Variants in PCDH9 observed in about 807,000 individuals in gnomAD.
PCDH9 encodes protocadherin-9.
PCDH9 carries 24 observed loss-of-function variants against 70.6 expected under a neutral mutation model. That is an observed-to-expected ratio of 0.34 (90% CI 0.25 to 0.48). The LOEUF (loss-of-function observed/expected upper bound fraction) is 0.48. Among genes scored for constraint, PCDH9 ranks in the 20% least tolerant of loss-of-function variants. PCDH9 has a pLI of 0.99. For synonymous variants in PCDH9, 562 were observed against 558.5 expected (o/e 1.01, Z -0.09); for missense variants, 1,281 against 1,503.6 (o/e 0.85, Z 2.45).
intron 2 of PCDH9, among the ~76,000 whole-genome samples, chr13:66,974,423 T>C (rs2083579350): frequency 6.6e-6 from 1 of 151,976 alleles, no homozygotes; most frequent in African/African-American, 2.4e-5. Context: ...AGTTTCAGCT[T>C]TCAACTATAG....
intron 2 of PCDH9, among the ~76,000 whole-genome samples, chr13:67,008,146 G>A (rs1012450695): frequency 7.9e-5 from 12 of 152,094 alleles, no homozygotes; most frequent in African/African-American, 2.9e-4. Context: ...ATAATAATAT[G>A]GAACAAAATA....
intron 2 of PCDH9, among the ~76,000 whole-genome samples, chr13:67,008,596 C>A (rs1464972681): frequency 6.6e-6 from 1 of 152,094 alleles, no homozygotes; most frequent in Non-Finnish European, 1.5e-5. Flanking sequence ...CTTTCTCCAT[C>A]CACCAATATT....
intron 4 of PCDH9, among the ~76,000 whole-genome samples, chr13:66,381,598 G>A (rs891108298): frequency 2.0e-5 from 3 of 152,128 alleles, no homozygotes; most frequent in Non-Finnish European, 4.4e-5. Context: ...CATAAGCATA[G>A]CAAAAGTCTT....
Position 66,330,671 on chromosome 13 carries a change from T to G in PCDH9, c.3341-25643A>C, listed in dbSNP as rs565591834. 4.6e-5 allele frequency among the ~76,000 whole-genome samples: 7 copies of G among 152,316 alleles called. No individual in the cohort carries two copies. In the East Asian group the frequency reaches 1.4e-3, roughly 29 times the overall value. ...AAAAATTATTTAAATTTTTCTGGTA[T>G]AGTAGAGTTAAAATATAGATCTTAC... On this transcript the variant is annotated intron_variant, in intron 4 of 4. Coordinates refer to ENST00000377865, the MANE Select transcript of PCDH9 (RefSeq NM_203487.3).
At chr13:66,730,681 CT>C (rs200246747) in intron 3 of PCDH9, among the ~76,000 whole-genome samples, 1,687 of 138,204 alleles carry the variant, frequency 0.012, 14 homozygotes, top group African/African-American at 0.029. Flanking sequence ...TATATATTTC[CT>C]TTTTTTTTTT....
At chr13:66,337,419 C>A (rs1433486778) in intron 4 of PCDH9, among the ~76,000 whole-genome samples, 1 of 152,050 alleles carries the variant, frequency 6.6e-6, no homozygotes, top group Non-Finnish European at 1.5e-5. Flanking sequence ...GTTCTGCATT[C>A]TGGAAGGCCC....
chr13:66,777,841 C>A (rs369283560), intron 3 of PCDH9, among the ~76,000 whole-genome samples: 6 of 151,986 alleles, frequency 3.9e-5, no homozygotes, highest in South Asian at 2.1e-4. Context: ...ACGTATGTTT[C>A]TTGCGGCACT....
At chr13:67,055,504 G>A (rs767547205) in intron 2 of PCDH9, among the ~76,000 whole-genome samples, 4 of 152,142 alleles carry the variant, frequency 2.6e-5, no homozygotes, top group African/African-American at 9.7e-5. Context: ...TTCCTGGGCA[G>A]GTGGATTTAT....
chr13:66,416,401 C>T (rs965692139), intron 4 of PCDH9, among the ~76,000 whole-genome samples: 4 of 151,846 alleles, frequency 2.6e-5, no homozygotes, highest in African/African-American at 9.7e-5. Flanking sequence ...ATATCTAGGA[C>T]CCCAACAGCC....
chr13:66,749,257 T>C (rs1399612172), intron 3 of PCDH9, among the ~76,000 whole-genome samples: 1 of 152,180 alleles, frequency 6.6e-6, no homozygotes, highest in Admixed American at 6.5e-5. Flanking sequence ...CTCTGCCATA[T>C]ACAACAGTGA....
intron 4 of PCDH9, among the ~76,000 whole-genome samples, chr13:66,363,909 C>A (rs934861699): frequency 1.3e-5 from 2 of 152,070 alleles, no homozygotes; most frequent in African/African-American, 4.8e-5. Flanking sequence ...AATCCCAACA[C>A]TTTGGGAGGC....
At chr13:66,754,523 A>C (rs114307494) in intron 3 of PCDH9, among the ~76,000 whole-genome samples, 4,057 of 152,220 alleles carry the variant, frequency 0.027, 163 homozygotes, top group African/African-American at 0.09. Context: ...TATAGTCCAG[A>C]GCTTTCAAGA....
chr13:66,793,264 A>G (rs1594068654), intron 3 of PCDH9, among the ~76,000 whole-genome samples: 2 of 152,278 alleles, frequency 1.3e-5, no homozygotes, highest in Admixed American at 1.3e-4. Flanking sequence ...ATGTTAATTA[A>G]CTTTGATTGT....
intron 3 of PCDH9, among the ~76,000 whole-genome samples, chr13:66,678,272 AAATATTATAGTCAACAACTGTC>A (rs1378795542): frequency 1.3e-5 from 2 of 152,086 alleles, no homozygotes; most frequent in Non-Finnish European, 2.9e-5. Context: ...AAATTGTAAT[AAATATTATAGTCAACAACTGTC>A]ATAGTAAATC....
chr13:66,641,136 G>A (rs1024528247), intron 3 of PCDH9, among the ~76,000 whole-genome samples: 7 of 152,144 alleles, frequency 4.6e-5, no homozygotes, highest in African/African-American at 1.4e-4. Context: ...GAGTTAAGAA[G>A]CTCCTTCCAG....
chr13:67,156,861 C>T (rs1444527679), intron 2 of PCDH9, among the ~76,000 whole-genome samples: 1 of 152,154 alleles, frequency 6.6e-6, no homozygotes, highest in Non-Finnish European at 1.5e-5. Context: ...GTATGCTCCT[C>T]TAGAGGTCTG....
intron 3 of PCDH9, among the ~76,000 whole-genome samples, chr13:66,769,364 T>C: frequency 6.6e-6 from 1 of 152,094 alleles, no homozygotes; most frequent in East Asian, 1.9e-4. Context: ...CAAGTATAGG[T>C]TAAATGCTTG....
intron 4 of PCDH9, among the ~76,000 whole-genome samples, chr13:66,582,009 G>A (rs111339780): frequency 2.4e-4 from 37 of 152,204 alleles, no homozygotes; most frequent in African/African-American, 7.9e-4. Context: ...CCTCTGGAAA[G>A]CCAATGAGAA....
chr13:67,038,374 G>A (rs1285699573), intron 2 of PCDH9, among the ~76,000 whole-genome samples: 1 of 152,036 alleles, frequency 6.6e-6, no homozygotes, highest in African/African-American at 2.4e-5. Flanking sequence ...GATCACTATA[G>A]GCTTGAGAGA....
Sources: gnomAD v4.1 joint callset for allele counts (sites outside exome capture counted in the v4.1 genomes callset) on GRCh38, gnomAD v4.1.1 for gene constraint, MANE v1.5 for transcripts, NCBI Gene and HGNC (gene_info 2026-07-23, HGNC 2026-07-21) for gene names.